The following CBX7 variants were observed in gnomAD, a reference collection of about 807,000 sequenced individuals.
The protein encoded by CBX7 is chromobox 7.
Under a neutral mutation model 31.4 loss-of-function variants are expected in CBX7, and 14 were observed. The ratio of observed to expected loss-of-function variants is 0.45; its 90% CI spans 0.29 to 0.70. The LOEUF is 0.70. Ranked by LOEUF, CBX7 falls within the 30% of genes least tolerant of loss-of-function variation. CBX7 has a pLI of 0.11. For synonymous variants in CBX7, 159 were observed against 152.6 expected (o/e 1.04, Z -0.31); for missense variants, 269 against 351.9 (o/e 0.76, Z 1.89).
chr22:39,149,887 T>G, intron 1 of CBX7, 55 bp from the exon 2 acceptor site: 1 of 1,467,512 alleles, frequency 6.8e-7, no homozygotes, highest in Non-Finnish European at 9.6e-7. Flanking sequence ...CTACAGCCAC[T>G]CGGAAGGACA....
rs1028741199 is a variant in CBX7, at chr22:39,132,838, C to T, written c.*1053G>A. 47 of 152,702 alleles carry T rather than the reference C, an allele frequency of 3.1e-4. No homozygotes were observed. Among genetic ancestry groups the T allele is most frequent in the Admixed American group, 2.8e-3 (43 of 15,274 alleles). 9.5% of individuals were successfully genotyped at this position (152,702 alleles called of 1,614,324 possible). On this transcript the variant is annotated 3_prime_UTR_variant, in exon 6 of 6. Transcript: ENST00000216133. Reference sequence around the variant, plus strand: ...GGAAGGGCTGAAAAGTCACCTGAGTCAGAAAGAACAAGAACCCCTCACGGG... The same window carrying T: ...GGAAGGGCTGAAAAGTCACCTGAGTTAGAAAGAACAAGAACCCCTCACGGG...
chr22:39,151,719 C>A (rs1484179726), intron 1 of CBX7, among the ~76,000 whole-genome samples: 1 of 152,172 alleles, frequency 6.6e-6, no homozygotes, highest in Non-Finnish European at 1.5e-5. Flanking sequence ...GGTTCTGAAA[C>A]CAGCAGAACA....
intron 4 of CBX7, chr22:39,136,286 G>A (rs1277663492): frequency 6.6e-6 from 1 of 152,194 alleles, no homozygotes; most frequent in Non-Finnish European, 1.5e-5. Context: ...TGAAGAGACT[G>A]TAGGAGCCAG....
At chr22:39,140,587 A>G (rs1301625849) in intron 3 of CBX7, among the ~76,000 whole-genome samples, 1 of 152,072 alleles carries the variant, frequency 6.6e-6, no homozygotes, top group Non-Finnish European at 1.5e-5. Flanking sequence ...TAAGAGCCTC[A>G]GTTTCCTTCT....
In CBX7 at chr22:39,133,663, T is replaced by G; in HGVS notation, c.*228A>C. On this transcript the variant is annotated 3_prime_UTR_variant, in exon 6 of 6. Coordinates refer to ENST00000216133, the MANE Select transcript of CBX7 (RefSeq NM_175709.5). ...TCCTGTCCCCATCCTGCCCTGGGGG[T>G]GGTACCCCAACTCCCAGAGCAACTC... 1 of 433,964 alleles carries G rather than the reference T, an allele frequency of 2.3e-6. No homozygotes were observed. Among genetic ancestry groups the G allele is most frequent in the Non-Finnish European group, 4.1e-6 (1 of 243,086 alleles). 26.9% of individuals were successfully genotyped at this position (433,964 alleles called of 1,614,324 possible).
In CBX7 at chr22:39,130,838, T is replaced by C. The variant is rs1259748604; in HGVS notation, c.*3053A>G. On this transcript the variant is annotated 3_prime_UTR_variant, in exon 6 of 6. Coordinates refer to ENST00000216133, the MANE Select transcript of CBX7 (RefSeq NM_175709.5). ...TTTTTTGCCTCATTTACCAGATAAA[T>C]CATCTAAATAAATAGATGCTATACA... is the stretch of plus-strand genomic sequence containing the variant. 6.6e-6 allele frequency: 1 copy of C among 152,514 alleles called. No individual in the cohort carries two copies. The highest frequency in any genetic ancestry group is 1.5e-5 in the Non-Finnish European group (1 of 68,038). 9.4% of individuals were successfully genotyped at this position (152,514 alleles called of 1,614,324 possible).
In CBX7 at chr22:39,152,506, C is replaced by G; in HGVS notation, c.-62G>C. 1.3e-6 allele frequency: 1 copy of G among 758,660 alleles called. No homozygotes were observed. The highest frequency in any genetic ancestry group is 1.6e-6 in the Non-Finnish European group (1 of 623,290). 47.0% of individuals were successfully genotyped at this position (758,660 alleles called of 1,614,324 possible). A position where few individuals can be genotyped will look rare whatever the true frequency, so the allele number is the denominator to read the frequency against. On this transcript the variant is annotated 5_prime_UTR_variant, in exon 1 of 6. Transcript: ENST00000216133. This position sits in a 1 kb window ranked among gnomAD's most constrained non-coding sequence, Gnocchi z 4.9. ...GGCCGGGGGCGGAGCTGCGGGGCCG[C>G]GGCTGCGGCGCGCGATGCTGGGGCT...
In CBX7 at chr22:39,144,227, T is replaced by C. The variant is rs572214785; in HGVS notation, c.114-2791A>G. Among the ~76,000 whole-genome samples, 277 of 152,344 alleles carry C rather than the reference T, an allele frequency of 1.8e-3. 3 individuals carry two copies. Among genetic ancestry groups the C allele is most frequent in the Middle Eastern group, 3.4e-3 (1 of 294 alleles). ...ACACCCACTTGGTGTCGGGCCTCTA[T>C]GGGCTCGCAGTGAAGCCCTGAGCCT... On this transcript the variant is annotated intron_variant, in intron 2 of 5. Transcript: ENST00000216133.
intron 3 of CBX7, among the ~76,000 whole-genome samples, chr22:39,139,718 AAAAG>A (rs1273549209): frequency 4.2e-5 from 6 of 142,554 alleles, no homozygotes; most frequent in Admixed American, 2.2e-4. Context: ...AAAAAAAAAA[AAAAG>A]AAAGAAAGAA....
rs112476059 is a variant in CBX7, at chr22:39,134,394, G to T, written c.598+7C>A. ...CTCTGAGGGTCTCTGGGCTGGGGCC[G>T]CCTTACCCTCCTCTTCAGGGGGCTG... On this transcript the variant is annotated splice_region_variant and intron_variant, in intron 5 of 5. Coordinates refer to ENST00000216133, the MANE Select transcript of CBX7 (RefSeq NM_175709.5). 2.5e-6 allele frequency: 4 copies of T among 1,592,832 alleles called. No individual in the cohort carries two copies. Among genetic ancestry groups the T allele is most frequent in the Non-Finnish European group, 2.6e-6 (3 of 1,176,224 alleles).
intron 2 of CBX7, among the ~76,000 whole-genome samples, chr22:39,143,558 G>A (rs1930535812): frequency 6.6e-6 from 1 of 152,214 alleles, no homozygotes; most frequent in South Asian, 2.1e-4. Flanking sequence ...TTCTGCATAA[G>A]TTAGTGTAGC....
chr22:39,142,110 T>C (rs1166413572), intron 2 of CBX7, among the ~76,000 whole-genome samples: 1 of 152,182 alleles, frequency 6.6e-6, no homozygotes, highest in African/African-American at 2.4e-5. Flanking sequence ...CAAGTCCATC[T>C]CTGCCCCTAG....
At chr22:39,139,324 C>A (rs1930364571) in intron 3 of CBX7, among the ~76,000 whole-genome samples, 1 of 152,154 alleles carries the variant, frequency 6.6e-6, no homozygotes, top group South Asian at 2.1e-4. Context: ...GTGGCTCACG[C>A]CTGTAATCCC....
Position 39,144,670 on chromosome 22 carries a change from C to G in CBX7, c.114-3234G>C, listed in dbSNP as rs143537966. ...CTCTAACTGGTAGGAAGGGGAATTT[C>G]GTGCTCCTCTCTCCACAGCGTGCTC... On this transcript the variant is annotated intron_variant, in intron 2 of 5. Transcript: ENST00000216133. Among the ~76,000 whole-genome samples, 1,219 of 152,262 alleles carry G rather than the reference C, an allele frequency of 8.0e-3. 6 individuals are homozygous for G. Among genetic ancestry groups the G allele is most frequent in the Non-Finnish European group, 0.014 (941 of 68,034 alleles).
intron 2 of CBX7, among the ~76,000 whole-genome samples, chr22:39,142,051 G>C (rs1034948268): frequency 1.3e-5 from 2 of 152,218 alleles, no homozygotes; most frequent in East Asian, 1.9e-4. Flanking sequence ...CCAGGCAAGA[G>C]AGGATGAAAA....
intron 4 of CBX7, chr22:39,136,715 A>G (rs995689007): frequency 6.6e-6 from 1 of 152,382 alleles, no homozygotes; most frequent in African/African-American, 2.4e-5. Flanking sequence ...GAAATAATCA[A>G]TGTTTATTGC....
rs1407368328 is a variant in CBX7 at position 39,131,371 on chromosome 22, C to CGG, written c.*2518_*2519dup. On this transcript the variant is annotated 3_prime_UTR_variant, in exon 6 of 6. Transcript: ENST00000216133. Reference sequence around the variant, plus strand: ...GAGTACTGGCCTTTTAAGAGGGCTGCGGGGGTGGAGGTCACTGTCTGCCTT... The same window carrying CGG: ...GAGTACTGGCCTTTTAAGAGGGCTGCGGGGGGGTGGAGGTCACTGTCTGCCTT... The CGG allele has an allele frequency of 1.3e-5, 2 of 152,946 alleles. No individual in the cohort carries two copies. Among genetic ancestry groups the CGG allele is most frequent in the Admixed American group, 6.5e-5 (1 of 15,304 alleles). 9.5% of individuals were successfully genotyped at this position (152,946 alleles called of 1,614,324 possible). A position where few individuals can be genotyped will look rare whatever the true frequency, so the allele number is the denominator to read the frequency against.
In CBX7 at chr22:39,143,702, C is replaced by T. The variant is rs148372745; in HGVS notation, c.114-2266G>A. Among the ~76,000 whole-genome samples, 11 of 152,294 alleles carry T rather than the reference C, an allele frequency of 7.2e-5. No individual in the cohort carries two copies. The East Asian group carries it at 2.1e-3, about 29-fold the overall frequency. ...CTGGGAAGTGCTCTAGAAGGTGTCCCAGGTTTTATCTTTTACACTGTATTC... is the reference window on the plus strand; with the variant it reads ...CTGGGAAGTGCTCTAGAAGGTGTCCTAGGTTTTATCTTTTACACTGTATTC... On this transcript the variant is annotated intron_variant, in intron 2 of 5. Coordinates refer to ENST00000216133, the MANE Select transcript of CBX7 (RefSeq NM_175709.5).
Position 39,133,129 on chromosome 22 carries a change from G to C in CBX7, c.*762C>G, listed in dbSNP as rs1207674504. Reference sequence around the variant, plus strand: ...AATCACCCCACGTTCGCCTGGCCAGGGTTTCTAACCCAGGTTCGCAAGGCC... The same window carrying C: ...AATCACCCCACGTTCGCCTGGCCAGCGTTTCTAACCCAGGTTCGCAAGGCC... On this transcript the variant is annotated 3_prime_UTR_variant, in exon 6 of 6. Transcript: ENST00000216133. 6.6e-6 allele frequency: 1 copy of C among 152,240 alleles called. No homozygotes were observed. Among genetic ancestry groups the C allele is most frequent in the Non-Finnish European group, 1.5e-5 (1 of 68,066 alleles). 9.4% of individuals were successfully genotyped at this position (152,240 alleles called of 1,614,324 possible).
Sources: allele counts gnomAD v4.1 joint callset (sites outside exome capture counted in the v4.1 genomes callset), GRCh38; gene constraint gnomAD v4.1.1; non-coding constraint Gnocchi (gnomAD v3.1); transcripts MANE v1.5; gene names NCBI Gene and HGNC (gene_info 2026-07-23, HGNC 2026-07-21).